The following SH3KBP1 variants were observed in gnomAD, a reference collection of about 807,000 sequenced individuals.
SH3KBP1 encodes SH3 domain containing kinase binding protein 1, also known as SH3 domain-containing kinase-binding protein 1.
A neutral mutation model predicts 50.1 loss-of-function variants in SH3KBP1; 8 were observed. That is an observed-to-expected ratio of 0.16 (90% CI 0.09 to 0.29). The LOEUF (loss-of-function observed/expected upper bound fraction) is 0.29. Among genes scored for constraint, SH3KBP1 ranks in the 10% least tolerant of loss-of-function variants. The pLI, the probability that SH3KBP1 is intolerant of heterozygous loss-of-function variation, is 1.00. For synonymous variants in SH3KBP1, 227 were observed against 218.6 expected, an observed-to-expected ratio of 1.04 and a Z score of -0.34; for missense variants, 377 against 535.2, an observed-to-expected ratio of 0.70 and a Z score of 2.92.
intron 2 of SH3KBP1, among the ~76,000 whole-genome samples, chrX:19,816,580 G>A (rs1337788806): frequency 2.7e-5 from 3 of 111,613 alleles, no homozygotes; most frequent in Non-Finnish European, 5.6e-5. Flanking sequence ...GGCCAAGGCA[G>A]TGGATTACTT....
chrX:19,865,676 C>T (rs373074768), intron 1 of SH3KBP1, among the ~76,000 whole-genome samples: 1 of 111,993 alleles, frequency 8.9e-6, no homozygotes, highest in African/African-American at 3.2e-5. Flanking sequence ...TAGCAAGTCT[C>T]GGTTACCTGG....
At chrX:19,562,653 C>T (rs1174171976) in intron 13 of SH3KBP1, among the ~76,000 whole-genome samples, 1 of 111,230 alleles carries the variant, frequency 9.0e-6, no homozygotes, top group African/African-American at 3.3e-5. Flanking sequence ...TGAACGAGAG[C>T]GCTGGCCACA....
intron 13 of SH3KBP1, among the ~76,000 whole-genome samples, chrX:19,565,750 A>G (rs1278263310): frequency 9.0e-6 from 1 of 111,623 alleles, no homozygotes; most frequent in East Asian, 2.8e-4. Context: ...ACATGCTTAC[A>G]AAACACTCTT....
At chrX:19,781,142 A>C (rs1373213377) in intron 2 of SH3KBP1, among the ~76,000 whole-genome samples, 1 of 111,529 alleles carries the variant, frequency 9.0e-6, no homozygotes, top group African/African-American at 3.3e-5. Context: ...GGAAGTGCTC[A>C]TAATATATTA....
At chrX:19,864,786 G>T (rs781006171) in intron 1 of SH3KBP1, among the ~76,000 whole-genome samples, 1 of 112,214 alleles carries the variant, frequency 8.9e-6, no homozygotes, top group Admixed American at 9.4e-5. Flanking sequence ...AATAGGAAAC[G>T]AATATACCTG....
chrX:19,627,523 T>C (rs1162595845), intron 8 of SH3KBP1, among the ~76,000 whole-genome samples: 1 of 112,725 alleles, frequency 8.9e-6, no homozygotes, highest in Admixed American at 9.4e-5. Flanking sequence ...ACAGGTGTGT[T>C]CTGCACGAGT....
intron 7 of SH3KBP1, among the ~76,000 whole-genome samples, chrX:19,633,133 T>C (rs1030603221): frequency 8.9e-6 from 1 of 111,847 alleles, no homozygotes; most frequent in East Asian, 2.8e-4. Flanking sequence ...ATAATACAGA[T>C]ACACTATGGT....
chrX:19,878,147 T>TA lies in SH3KBP1; in HGVS notation c.4+9159_4+9160insT, dbSNP rs760965616. ...AAGATATTTATCCATAAGATAATGA[T>TA]CAAGTTGAAAACCAAGTGCTCATGA... is the stretch of plus-strand genomic sequence containing the variant. On this transcript the variant is annotated intron_variant, in intron 1 of 17. Transcript: ENST00000397821. Among the ~76,000 whole-genome samples the TA allele has an allele frequency of 3.6e-5, 4 of 111,872 alleles. No individual in the cohort carries two copies. In the South Asian group the frequency reaches 1.5e-3, roughly 42 times the overall value.
At chrX:19,776,533 T>A in intron 2 of SH3KBP1, among the ~76,000 whole-genome samples, 1 of 5,801 alleles carries the variant, frequency 1.7e-4, no homozygotes, top group Non-Finnish European at 3.3e-4. Context: ...GACAACCTGG[T>A]TTTTTTTTTT....
chrX:19,667,647 T>C (rs2062631687), intron 6 of SH3KBP1, among the ~76,000 whole-genome samples: 1 of 110,655 alleles, frequency 9.0e-6, no homozygotes, highest in Admixed American at 9.6e-5. Flanking sequence ...AAGCAAAGCA[T>C]AAAATGGCAA....
At chrX:19,638,096 A>AC (rs1022428738) in intron 7 of SH3KBP1, among the ~76,000 whole-genome samples, 2 of 105,036 alleles carry the variant, frequency 1.9e-5, no homozygotes, top group African/African-American at 7.0e-5. Flanking sequence ...ACAAAACAAA[A>AC]AAAAACAAAC....
chrX:19,728,696 G>T (rs777050202), intron 3 of SH3KBP1, among the ~76,000 whole-genome samples: 3 of 111,688 alleles, frequency 2.7e-5, no homozygotes. Flanking sequence ...ACGTTGGGGA[G>T]GGTTTGCAAA....
intron 8 of SH3KBP1, among the ~76,000 whole-genome samples, chrX:19,615,840 G>A (rs2067591135): frequency 9.0e-6 from 1 of 111,508 alleles, no homozygotes; most frequent in African/African-American, 3.3e-5. Context: ...GACAGTCCTA[G>A]GGACGAGCTT....
In SH3KBP1 at chrX:19,852,955, T is replaced by C. The variant is rs185165623; in HGVS notation, c.5-16673A>G. On this transcript the variant is annotated intron_variant, in intron 1 of 17. Transcript: ENST00000397821. ...GTGGATCAACATTACAACAGTGATA[T>C]AAAGCCATGAAGATGAGAGTACACA... Among the ~76,000 whole-genome samples, 10 of 112,276 alleles carry C rather than the reference T, an allele frequency of 8.9e-5. No individual in the cohort carries two copies. The East Asian group carries it at 2.8e-3, about 31-fold the overall frequency.
intron 2 of SH3KBP1, among the ~76,000 whole-genome samples, chrX:19,767,374 G>A (rs2065651569): frequency 8.9e-6 from 1 of 112,404 alleles, no homozygotes; most frequent in Non-Finnish European, 1.9e-5. Flanking sequence ...TCTTTCCTAA[G>A]AAGCCACATC....
chrX:19,585,130 C>T (rs1477773189), intron 12 of SH3KBP1, among the ~76,000 whole-genome samples: 4 of 112,018 alleles, frequency 3.6e-5, no homozygotes, highest in Non-Finnish European at 7.5e-5. Flanking sequence ...AACAATAAGC[C>T]TTTCTCTGAC....
intron 1 of SH3KBP1, among the ~76,000 whole-genome samples, chrX:19,881,997 T>C (rs768673406): frequency 9.1e-6 from 1 of 110,446 alleles, no homozygotes; most frequent in South Asian, 3.9e-4. Context: ...TCCTGGTAGG[T>C]GTAGGGCAGG....
intron 2 of SH3KBP1, among the ~76,000 whole-genome samples, chrX:19,785,763 CCT>C (rs766827467): frequency 8.9e-5 from 10 of 111,830 alleles, no homozygotes; most frequent in Non-Finnish European, 1.9e-4. Flanking sequence ...GGAAGGAAAT[CCT>C]GTCACATGCT....
intron 1 of SH3KBP1, among the ~76,000 whole-genome samples, chrX:19,873,301 TATATATATATAC>T (rs1383381206): frequency 2.1e-3 from 209 of 101,307 alleles, no homozygotes; most frequent in African/African-American, 7.1e-3. Context: ...TATATATATA[TATATATATATAC>T]ATATACATAT....
Sources: gnomAD v4.1 joint callset for allele counts (sites outside exome capture counted in the v4.1 genomes callset) on GRCh38, gnomAD v4.1.1 for gene constraint, MANE v1.5 for transcripts, NCBI Gene and HGNC (gene_info 2026-07-23, HGNC 2026-07-21) for gene names.